PDE7B: variants seen among roughly 807,000 people sequenced by gnomAD.
PDE7B encodes the protein 3',5'-cyclic-AMP phosphodiesterase 7B.
In PDE7B, 29 loss-of-function variants were observed where a neutral mutation model predicts 56.2. The observed-to-expected ratio is 0.52, with a 90% CI of 0.38 to 0.70. PDE7B has a LOEUF of 0.70. PDE7B is among the 30% of genes least tolerant of loss of function. PDE7B has a pLI of 0.00. For synonymous variants in PDE7B, 197 were observed against 196.9 expected (o/e 1.00, Z 0.00); for missense variants, 490 against 565.0 (o/e 0.87, Z 1.35).
chr6:136,050,416 A>C (rs566610567), intron 2 of PDE7B, among the ~76,000 whole-genome samples: 7 of 152,020 alleles, frequency 4.6e-5, no homozygotes, highest in African/African-American at 1.7e-4. Context: ...GAAAATTAAA[A>C]AAAAAAAATG....
chr6:136,013,730 C>T (rs976677818), intron 2 of PDE7B, among the ~76,000 whole-genome samples: 1 of 152,118 alleles, frequency 6.6e-6, no homozygotes, highest in Non-Finnish European at 1.5e-5. Context: ...GAGAAGAACT[C>T]GAAGCAATCC....
chr6:135,901,072 C>T (rs559745592), intron 1 of PDE7B, among the ~76,000 whole-genome samples: 91 of 152,222 alleles, frequency 6.0e-4, no homozygotes, highest in African/African-American at 1.9e-3. Flanking sequence ...AGACGTTTAA[C>T]GAAGAAATTA....
intron 2 of PDE7B, among the ~76,000 whole-genome samples, chr6:135,957,529 C>A (rs2128200911): frequency 6.6e-6 from 1 of 152,214 alleles, no homozygotes; most frequent in East Asian, 1.9e-4. Context: ...CTATGGCCAG[C>A]CAAGGTAATC....
chr6:136,016,233 C>A (rs1374827639), intron 2 of PDE7B, among the ~76,000 whole-genome samples: 4 of 152,262 alleles, frequency 2.6e-5, no homozygotes, highest in South Asian at 4.1e-4. Flanking sequence ...CGAAGCATTG[C>A]TGAGATGATT....
intron 2 of PDE7B, among the ~76,000 whole-genome samples, chr6:136,036,420 C>T (rs558793549): frequency 6.6e-6 from 1 of 152,308 alleles, no homozygotes; most frequent in South Asian, 2.1e-4. Context: ...CCTCTTGCCC[C>T]TTCTTCACCT....
intron 2 of PDE7B, among the ~76,000 whole-genome samples, chr6:136,039,485 C>A (rs1280111488): frequency 6.6e-6 from 1 of 152,120 alleles, no homozygotes; most frequent in Non-Finnish European, 1.5e-5. Flanking sequence ...TCAAAAATTA[C>A]CTCTCCCTTT....
chr6:135,984,448 A>AT (rs1448591285), intron 2 of PDE7B, among the ~76,000 whole-genome samples: 1 of 152,114 alleles, frequency 6.6e-6, no homozygotes, highest in Non-Finnish European at 1.5e-5. Context: ...GACATTTTCA[A>AT]TTTGAGTAGT....
intron 1 of PDE7B, among the ~76,000 whole-genome samples, chr6:135,895,030 A>G (rs1415109186): frequency 6.6e-6 from 1 of 152,096 alleles, no homozygotes; most frequent in East Asian, 1.9e-4. Flanking sequence ...ATTAGAATTT[A>G]TTAATAATAA....
intron 1 of PDE7B, 30 bp from the exon 2 acceptor site, chr6:135,947,433 TA>T: frequency 6.4e-7 from 1 of 1,554,126 alleles, no homozygotes; most frequent in Non-Finnish European, 8.9e-7. Context: ...TATGAAATCT[TA>T]AAATAACCTT....
intron 2 of PDE7B, among the ~76,000 whole-genome samples, chr6:135,990,954 T>C (rs1775468791): frequency 2.0e-5 from 3 of 152,016 alleles, no homozygotes; most frequent in South Asian, 4.2e-4. Flanking sequence ...AAATAGGGGG[T>C]GGATTATTCA....
intron 1 of PDE7B, among the ~76,000 whole-genome samples, chr6:135,892,441 T>C (rs7775875): frequency 5.9e-5 from 9 of 152,082 alleles, no homozygotes; most frequent in Non-Finnish European, 1.2e-4. Context: ...AGTTATTTGA[T>C]CCATATGACC....
At chr6:136,064,013 A>T (rs1304930499) in intron 2 of PDE7B, among the ~76,000 whole-genome samples, 1 of 152,114 alleles carries the variant, frequency 6.6e-6, no homozygotes. Flanking sequence ...AATAATGTTG[A>T]CTGAAAAATA....
At chr6:135,952,769 G>T (rs1774724365) in intron 2 of PDE7B, among the ~76,000 whole-genome samples, 1 of 152,100 alleles carries the variant, frequency 6.6e-6, no homozygotes, top group Non-Finnish European at 1.5e-5. Flanking sequence ...CCACGAGGTA[G>T]ATGAAAGAAT....
At chr6:135,988,832 T>A (rs1775426109) in intron 2 of PDE7B, among the ~76,000 whole-genome samples, 1 of 152,196 alleles carries the variant, frequency 6.6e-6, no homozygotes, top group African/African-American at 2.4e-5. Flanking sequence ...CATGGCTGTA[T>A]CTCTTTTATA....
Position 135,919,127 on chromosome 6 carries a change from A to G in PDE7B, c.22-28337A>G, listed in dbSNP as rs551741930. ...GTGTGTTCAGCTTGTGGAAAGAATCATAAATGTCTTCTCAAAACAAAAGAA... is the reference window on the plus strand; with the variant it reads ...GTGTGTTCAGCTTGTGGAAAGAATCGTAAATGTCTTCTCAAAACAAAAGAA... On this transcript the variant is annotated intron_variant, in intron 1 of 12. Coordinates refer to ENST00000308191, the MANE Select transcript of PDE7B (RefSeq NM_018945.4). Among the ~76,000 whole-genome samples, 15 of 152,346 alleles carry G rather than the reference A, an allele frequency of 9.8e-5. No homozygotes were observed. The South Asian group carries it at 3.1e-3, about 32-fold the overall frequency.
At chr6:135,977,041 A>G (rs1775197791) in intron 2 of PDE7B, among the ~76,000 whole-genome samples, 1 of 152,134 alleles carries the variant, frequency 6.6e-6, no homozygotes, top group Non-Finnish European at 1.5e-5. Context: ...TTGTCTGACT[A>G]GCAATATCCT....
chr6:135,894,033 C>G (rs1032553173), intron 1 of PDE7B, among the ~76,000 whole-genome samples: 2 of 152,086 alleles, frequency 1.3e-5, no homozygotes, highest in East Asian at 1.9e-4. Flanking sequence ...ATTGAATAGG[C>G]CACTAAGGTG....
chr6:136,037,848 A>G (rs1451452789), intron 2 of PDE7B: 1 of 984,576 alleles, frequency 1.0e-6, no homozygotes, highest in Non-Finnish European at 1.2e-6. Flanking sequence ...ATAAATCAGA[A>G]GAAAGAAGAG....
chr6:135,913,825 G>T (rs1776251374), intron 1 of PDE7B, among the ~76,000 whole-genome samples: 1 of 152,160 alleles, frequency 6.6e-6, no homozygotes, highest in Non-Finnish European at 1.5e-5. Flanking sequence ...CACCAGAACA[G>T]ATATAAAATG....
Sources: allele counts gnomAD v4.1 joint callset (sites outside exome capture counted in the v4.1 genomes callset), GRCh38; gene constraint gnomAD v4.1.1; transcripts MANE v1.5; gene names NCBI Gene and HGNC (gene_info 2026-07-23, HGNC 2026-07-21).